Variants in SUGP2 observed in about 807,000 individuals in gnomAD.
SUGP2 encodes the protein SURP and G-patch domain containing 2, also known as SURP and G-patch domain-containing protein 2.
SUGP2 carries 24 observed loss-of-function variants against 90.5 expected under a neutral mutation model. The ratio of observed to expected loss-of-function variants is 0.27; its 90% CI spans 0.19 to 0.37. The LOEUF (loss-of-function observed/expected upper bound fraction) is 0.37, where lower values mean the gene tolerates loss of function less well. Among genes scored for constraint, SUGP2 ranks in the 10% least tolerant of loss-of-function variants. The pLI is 1.00. For missense variants in SUGP2, 1,233 were observed against 1,363.3 expected, an observed-to-expected ratio of 0.90 and a Z score of 1.51; for synonymous variants, 473 against 513.4, an observed-to-expected ratio of 0.92 and a Z score of 1.06.
chr19:18,995,402 G>A, intron 8 of SUGP2, 122 bp from the exon 9 acceptor site: 1 of 1,172,830 alleles, frequency 8.5e-7, no homozygotes, highest in Non-Finnish European at 1.2e-6. Context: ...CAGATGCTCA[G>A]GCTCAAGCTC....
chr19:19,030,948 T>C lies in SUGP2; in HGVS notation c.121+3A>G, dbSNP rs1454506508. 1 of 1,608,310 alleles carries C rather than the reference T, an allele frequency of 6.2e-7. No individual in the cohort carries two copies. Among genetic ancestry groups the C allele is most frequent in the East Asian group, 2.2e-5 (1 of 44,834 alleles). ...CAACTACAACAACAACACTTTATTT[T>C]ACCTTGAGCTTTAAACTGAAGAGTT... On this transcript the variant is annotated splice_donor_region_variant and intron_variant, in intron 2 of 10. Transcript: ENST00000452918.
rs549922753 is a variant in SUGP2, at chr19:19,024,071, T to C, written c.1729+548A>G. On this transcript the variant is annotated intron_variant, in intron 3 of 10. Coordinates refer to ENST00000452918, the MANE Select transcript of SUGP2 (RefSeq NM_001017392.5). ...TTTTCTGGCAATGGCCACAGCTTTC[T>C]ACCAAATTCCCAGAGAGGTATTTGA... Among the ~76,000 whole-genome samples, 3 of 152,320 alleles carry C rather than the reference T, an allele frequency of 2.0e-5. No homozygotes were observed. The South Asian group carries it at 6.2e-4, about 32-fold the overall frequency.
chr19:19,033,230 G>T, intron 1 of SUGP2: 1 of 353,476 alleles, frequency 2.8e-6, no homozygotes, highest in Non-Finnish European at 4.2e-6. Context: ...GCCGTCTCCC[G>T]GCCTCTGCGG....
chr19:19,023,672 G>A (rs189984242), intron 3 of SUGP2, among the ~76,000 whole-genome samples: 42 of 152,206 alleles, frequency 2.8e-4, no homozygotes, highest in African/African-American at 9.9e-4. Context: ...GCTGAGGCAG[G>A]TAGATCACTT....
rs1195617408 is a variant in SUGP2, at chr19:18,992,699, A to G, written c.*1042T>C. 1 of 152,144 alleles carries G rather than the reference A, an allele frequency of 6.6e-6. No homozygotes were observed. Among genetic ancestry groups the G allele is most frequent in the Non-Finnish European group, 1.5e-5 (1 of 68,046 alleles). 9.4% of individuals were successfully genotyped at this position (152,144 alleles called of 1,614,324 possible). Reference sequence around the variant, plus strand: ...CCAATACAAGTGGCATTTCCCGCTCAGTTCTGTGGCTGATGCCCTAGCCAC... The same window carrying G: ...CCAATACAAGTGGCATTTCCCGCTCGGTTCTGTGGCTGATGCCCTAGCCAC... On this transcript the variant is annotated 3_prime_UTR_variant, in exon 11 of 11. Transcript: ENST00000452918.
chr19:19,004,210 T>C lies in SUGP2; in HGVS notation c.2887A>G (p.Ile963Val). 1.9e-6 allele frequency: 3 copies of C among 1,594,532 alleles called. No homozygotes were observed. The highest frequency in any genetic ancestry group is 2.6e-6 in the Non-Finnish European group (3 of 1,169,110). Residue 963 changes from isoleucine to valine, a missense_variant, in exon 7 of 11, where the codon ATT becomes GTT. Physicochemically the swap from Ile to Val is conservative, Grantham distance 29. This residue lies in a region of SUGP2 where 105 missense variants were observed against 155.2 expected (regional missense o/e 0.68). Coordinates refer to ENST00000452918, the MANE Select transcript of SUGP2 (RefSeq NM_001017392.5). Reference sequence around the variant, plus strand: ...AGACACACTCTCTTGGGAGCTGGAATCATGCCAACCTTCAATGACTTGCTG... The same window carrying C: ...AGACACACTCTCTTGGGAGCTGGAACCATGCCAACCTTCAATGACTTGCTG... ...ISSKSLKVGMIPAPKRVCLIQ... is the reference protein window; with the variant it reads ...ISSKSLKVGMVPAPKRVCLIQ...
intron 2 of SUGP2, among the ~76,000 whole-genome samples, chr19:19,027,053 G>A (rs2058963809): frequency 6.6e-6 from 1 of 152,210 alleles, no homozygotes; most frequent in South Asian, 2.1e-4. Context: ...GCCGAGGTGG[G>A]AGGATCACTT....
rs199513298 is a variant in SUGP2, at chr19:19,004,158, G to A, written c.2929+10C>T. Reference sequence around the variant, plus strand: ...GCTAGAGGCAACTGTGCCGACAGGCGGGCACTCACCTTTTGGCTCCTGGAT... The same window carrying A: ...GCTAGAGGCAACTGTGCCGACAGGCAGGCACTCACCTTTTGGCTCCTGGAT... On this transcript the variant is annotated intron_variant, in intron 7 of 10. Transcript: ENST00000452918. 8.5e-6 allele frequency: 13 copies of A among 1,537,138 alleles called. No homozygotes were observed. Among genetic ancestry groups the A allele is most frequent in the South Asian group, 6.3e-5 (5 of 79,504 alleles).
At position 19,005,864 on chromosome 19, in the gene SUGP2, CA is replaced by C. The variant is rs1303733738; in HGVS notation, c.2451-1219del. ...TAACAAACACACACACACACACACA[CA>C]CACACACACACACACACACACACAC... On this transcript the variant is annotated intron_variant, in intron 6 of 10. Coordinates refer to ENST00000452918, the MANE Select transcript of SUGP2 (RefSeq NM_001017392.5). Among the ~76,000 whole-genome samples the C allele has an allele frequency of 5.7e-3, 55 of 9,636 alleles. 1 individual carries two copies. The Middle Eastern group carries it at 0.14, about 24-fold the overall frequency. The allele number at this position is 9,636 out of a possible 152,430, so 6.3% of individuals were successfully genotyped here. A position where few individuals can be genotyped will look rare whatever the true frequency, so the allele number is the denominator to read the frequency against.
intron 7 of SUGP2, among the ~76,000 whole-genome samples, chr19:19,002,508 T>G (rs961069124): frequency 5.3e-5 from 5 of 94,880 alleles, no homozygotes; most frequent in Non-Finnish European, 1.0e-4. Context: ...CAAGTCTGTT[T>G]TTTTTTTTTT....
In SUGP2 at chr19:19,004,590, T is replaced by A. The variant is rs780329439; in HGVS notation, c.2507A>T (p.Glu836Val). Residue 836 changes from glutamate (E) to valine (V), a missense_variant, in exon 7 of 11, where the codon GAA (glutamate) becomes GTA (valine). By Grantham distance (121) the Glu-to-Val change is moderately radical. Transcript: ENST00000452918. The part of the protein sequence containing the change: ...AFKFYRKKVF[E>V]LCPSICFTSS... The stretch of plus-strand genomic sequence containing the variant: ...CGTGAAACAAATTGATGGACATAGT[T>A]CAAACACTTTCTTTCGATAGAATTT... 1 of 1,613,800 alleles carries A rather than the reference T, an allele frequency of 6.2e-7. No homozygotes were observed.
intron 8 of SUGP2, among the ~76,000 whole-genome samples, chr19:18,999,899 C>G (rs1472835937): frequency 2.6e-5 from 4 of 152,224 alleles, no homozygotes; most frequent in African/African-American, 9.6e-5. Context: ...TCTGCCCAAG[C>G]TGACAACCCT....
chr19:19,006,318 T>C (rs1358819534), intron 6 of SUGP2, among the ~76,000 whole-genome samples: 2 of 152,168 alleles, frequency 1.3e-5, no homozygotes, highest in Admixed American at 6.5e-5. Flanking sequence ...ACATTAGAAT[T>C]AAATTTTTTC....
chr19:19,026,938 C>T (rs2058957603), intron 2 of SUGP2, among the ~76,000 whole-genome samples: 1 of 152,132 alleles, frequency 6.6e-6, no homozygotes, highest in South Asian at 2.1e-4. Context: ...TCAAGAGAGG[C>T]CATGATGGAA....
At chr19:19,026,984 G>A (rs1381317344) in intron 2 of SUGP2, among the ~76,000 whole-genome samples, 1 of 152,146 alleles carries the variant, frequency 6.6e-6, no homozygotes, top group Non-Finnish European at 1.5e-5. Flanking sequence ...TCTCCATGTA[G>A]AAAAGGGGAA....
At chr19:19,024,330 C>T (rs1273002073) in intron 3 of SUGP2, among the ~76,000 whole-genome samples, 1 of 151,868 alleles carries the variant, frequency 6.6e-6, no homozygotes, top group East Asian at 1.9e-4. Flanking sequence ...AGGCTGGTCT[C>T]AAACTCTTGG....
Position 19,002,226 on chromosome 19 carries a change from A to G in SUGP2, c.2930-552T>C, listed in dbSNP as rs578202921. Among the ~76,000 whole-genome samples the G allele has an allele frequency of 4.3e-3, 658 of 152,198 alleles. 4 individuals carry two copies. The highest frequency in any genetic ancestry group is 0.015 in the African/African-American group (640 of 41,560). On this transcript the variant is annotated intron_variant, in intron 7 of 10. Coordinates refer to ENST00000452918, the MANE Select transcript of SUGP2 (RefSeq NM_001017392.5). ...GAAACCCCGTCTCTACTAAAAGTAC[A>G]AAAACTAGCCAGGCGTGGTGGCGGG... is the stretch of plus-strand genomic sequence containing the variant.
intron 4 of SUGP2, among the ~76,000 whole-genome samples, chr19:19,014,955 G>A (rs1342587371): frequency 2.0e-5 from 3 of 152,008 alleles, no homozygotes; most frequent in Non-Finnish European, 2.9e-5. Flanking sequence ...TAATTCCAGC[G>A]CTTTGGGAGG....
At chr19:19,015,208 T>A (rs199906493) in intron 4 of SUGP2, among the ~76,000 whole-genome samples, 2 of 5,164 alleles carry the variant, frequency 3.9e-4, no homozygotes, top group African/African-American at 8.8e-4. Context: ...TCTCAAAAAA[T>A]AAATAAATAA....
Sources: gnomAD v4.1 joint callset for allele counts (sites outside exome capture counted in the v4.1 genomes callset) on GRCh38, gnomAD v4.1.1 for gene constraint, gnomAD v4.1.1 regional missense constraint, MANE v1.5 for transcripts, NCBI Gene and HGNC (gene_info 2026-07-23, HGNC 2026-07-21) for gene names.